The following SCAND3 variants were observed in gnomAD, a reference collection of about 807,000 sequenced individuals.
SCAND3 encodes the protein SCAN domain-containing protein 3.
At chr6:28,614,436 T>G in the SCAND3 span, among the ~76,000 whole-genome samples, 1 of 152,144 alleles carries the variant, frequency 6.6e-6, no homozygotes, top group Non-Finnish European at 1.5e-5. Context: ...GTATATTTGT[T>G]GTCCACTATA....
At chr6:28,615,207 G>T in the SCAND3 span, among the ~76,000 whole-genome samples, 1 of 152,160 alleles carries the variant, frequency 6.6e-6, no homozygotes, top group South Asian at 2.1e-4. Flanking sequence ...CTGGTGGTTG[G>T]CCATTCCCCT....
chr6:28,610,332 GC>G, the SCAND3 span, among the ~76,000 whole-genome samples: 1 of 152,072 alleles, frequency 6.6e-6, no homozygotes, highest in Admixed American at 6.6e-5. Context: ...GACCAGCCTG[GC>G]CAACATGATG....
chr6:28,610,735 A>T, the SCAND3 span, among the ~76,000 whole-genome samples: 1 of 152,182 alleles, frequency 6.6e-6, no homozygotes, highest in Non-Finnish European at 1.5e-5. Context: ...CACATCATAA[A>T]TATTTACCAA....
the SCAND3 span, among the ~76,000 whole-genome samples, chr6:28,601,551 G>C: frequency 3.9e-5 from 6 of 152,132 alleles, no homozygotes; most frequent in Non-Finnish European, 8.8e-5. Flanking sequence ...ACAGGGTCTT[G>C]CTCTGTCGCC....
At chr6:28,606,550 G>C in the SCAND3 span, among the ~76,000 whole-genome samples, 3 of 152,074 alleles carry the variant, frequency 2.0e-5, no homozygotes, top group African/African-American at 7.2e-5. Flanking sequence ...CACCAGTTTG[G>C]CTTAGCAGGG....
At chr6:28,571,570 T>C in the SCAND3 span, 1 of 221,086 alleles carries the variant, frequency 4.5e-6, no homozygotes, top group Non-Finnish European at 8.6e-6. Context: ...CCATCTCCCA[T>C]CCTGAAGTTG....
chr6:28,604,891 C>A, the SCAND3 span, among the ~76,000 whole-genome samples: 1 of 152,066 alleles, frequency 6.6e-6, no homozygotes, highest in Non-Finnish European at 1.5e-5. Context: ...ATTGTGTGAT[C>A]TTAACATAAG....
At chr6:28,588,061 A>G in the SCAND3 span, 2 of 152,186 alleles carry the variant, frequency 1.3e-5, no homozygotes, top group African/African-American at 4.8e-5. The surrounding 1 kb of genome is among the most constrained non-coding windows in gnomAD (Gnocchi z 4.1). Context: ...GATTTCTCAC[A>G]TTTTGGCATT....
At chr6:28,599,561 T>C in the SCAND3 span, among the ~76,000 whole-genome samples, 1 of 152,188 alleles carries the variant, frequency 6.6e-6, no homozygotes, top group African/African-American at 2.4e-5. Context: ...TGATAGTGAA[T>C]AAGTCTCATG....
the SCAND3 span, among the ~76,000 whole-genome samples, chr6:28,595,330 C>CAAAAAAAAA: frequency 2.7e-3 from 100 of 37,282 alleles, 3 homozygotes; most frequent in Admixed American, 4.5e-3. Flanking sequence ...AACCCAGTCT[C>CAAAAAAAAA]AAAAAAAAAA....
chr6:28,581,200 T>C, the SCAND3 span, among the ~76,000 whole-genome samples: 10 of 151,996 alleles, frequency 6.6e-5, no homozygotes, highest in African/African-American at 2.4e-4. Flanking sequence ...TAGCCAGGCA[T>C]GGTAGCACAT....
the SCAND3 span, among the ~76,000 whole-genome samples, chr6:28,583,263 G>A: frequency 1.3e-5 from 2 of 151,796 alleles, no homozygotes; most frequent in African/African-American, 4.8e-5. Flanking sequence ...GGCGCCTGTA[G>A]TCCCAGCTAC....
the SCAND3 span, among the ~76,000 whole-genome samples, chr6:28,577,385 A>G: frequency 6.6e-6 from 1 of 152,220 alleles, no homozygotes; most frequent in Admixed American, 6.5e-5. Flanking sequence ...CCAAATAGTG[A>G]GACAGAGCAG....
chr6:28,573,421 G>A, the SCAND3 span: 3 of 1,614,098 alleles, frequency 1.9e-6, no homozygotes, highest in Middle Eastern at 1.6e-4. Flanking sequence ...TACTTTATAT[G>A]AAGCCCGCAA....
chr6:28,580,003 C>T, the SCAND3 span, among the ~76,000 whole-genome samples: 1 of 152,056 alleles, frequency 6.6e-6, no homozygotes, highest in Admixed American at 6.6e-5. Context: ...ATAGTGAATC[C>T]CAAAATTGCA....
the SCAND3 span, chr6:28,572,489 C>G: frequency 1.2e-6 from 2 of 1,613,338 alleles, no homozygotes; most frequent in African/African-American, 1.3e-5. This position sits in a 1 kb window ranked among gnomAD's most constrained non-coding sequence, Gnocchi z 4.1. Flanking sequence ...TTTTGTCCTT[C>G]AACTTTATCT....
chr6:28,612,460 T>C, the SCAND3 span, among the ~76,000 whole-genome samples: 1 of 152,180 alleles, frequency 6.6e-6, no homozygotes. Flanking sequence ...AGACTAGATG[T>C]TGTAAATTAG....
chr6:28,584,939 A>G, the SCAND3 span, among the ~76,000 whole-genome samples: 1 of 152,160 alleles, frequency 6.6e-6, no homozygotes. Context: ...ATACATTGTG[A>G]AGGTATTTTC....
the SCAND3 span, among the ~76,000 whole-genome samples, chr6:28,611,813 G>C: frequency 1.3e-5 from 2 of 152,174 alleles, no homozygotes; most frequent in African/African-American, 2.4e-5. Flanking sequence ...TTTCAAATAG[G>C]AGTTGTTTTC....
Sources: allele counts gnomAD v4.1 joint callset (sites outside exome capture counted in the v4.1 genomes callset), GRCh38; gene constraint gnomAD v4.1.1; non-coding constraint Gnocchi (gnomAD v3.1); transcripts MANE v1.5; gene names NCBI Gene and HGNC (gene_info 2026-07-23, HGNC 2026-07-21).